The following WWC2 variants were observed in gnomAD, a reference collection of about 807,000 sequenced individuals.
WWC2 encodes the protein protein WWC2.
In WWC2, 101 loss-of-function variants were observed where a neutral mutation model predicts 138.5. The observed-to-expected ratio is 0.73, with a 90% CI of 0.62 to 0.86. WWC2 has a LOEUF of 0.86. WWC2 is among the 40% of genes least tolerant of loss of function. The pLI, the probability that WWC2 is intolerant of heterozygous loss-of-function variation, is 0.00. For missense variants in WWC2, 1,420 were observed against 1,419.4 expected, an observed-to-expected ratio of 1.00 and a Z score of -0.01; for synonymous variants, 558 against 538.4, an observed-to-expected ratio of 1.04 and a Z score of -0.50.
At chr4:183,276,423 C>T (rs1737857228) in intron 16 of WWC2, among the ~76,000 whole-genome samples, 2 of 151,526 alleles carry the variant, frequency 1.3e-5, no homozygotes, top group African/African-American at 4.8e-5. Context: ...TTTAAATTTT[C>T]GTTTTCCCCT....
At chr4:183,106,109 G>T (rs949015775) in intron 1 of WWC2, among the ~76,000 whole-genome samples, 1 of 151,628 alleles carries the variant, frequency 6.6e-6, no homozygotes, top group Admixed American at 6.6e-5. Flanking sequence ...TCAGCCTCCC[G>T]AGTAGCTGGG....
intron 2 of WWC2, among the ~76,000 whole-genome samples, chr4:183,205,012 G>A (rs1473023127): frequency 6.6e-6 from 1 of 152,204 alleles, no homozygotes; most frequent in African/African-American, 2.4e-5. Flanking sequence ...ACCTGTAATA[G>A]TTTTGTCTAT....
chr4:183,262,173 G>T (rs1033104719), intron 11 of WWC2, among the ~76,000 whole-genome samples: 3 of 151,644 alleles, frequency 2.0e-5, no homozygotes, highest in Admixed American at 6.6e-5. Flanking sequence ...TCATTTTTTT[G>T]TTTGTTTGTT....
chr4:183,199,568 G>A lies in WWC2; in HGVS notation c.241+5860G>A, dbSNP rs368454841. 3.9e-5 allele frequency among the ~76,000 whole-genome samples: 6 copies of A among 152,142 alleles called. No individual in the cohort carries two copies. The East Asian group carries it at 5.8e-4, about 15-fold the overall frequency. On this transcript the variant is annotated intron_variant, in intron 2 of 22. Transcript: ENST00000403733. ...CCAATAATTGTCTGTAGAAATTAAC[G>A]AACAAATAATAAATGAATATAGCAG...
chr4:183,192,821 G>T (rs1232539473), intron 1 of WWC2, among the ~76,000 whole-genome samples: 1 of 151,704 alleles, frequency 6.6e-6, no homozygotes, highest in African/African-American at 2.4e-5. Flanking sequence ...CAGTAGCCAA[G>T]GAAAATCTCA....
Position 183,214,104 on chromosome 4 carries a change from A to G in WWC2, c.522+5079A>G, listed in dbSNP as rs184645962. Among the ~76,000 whole-genome samples the G allele has an allele frequency of 3.9e-5, 6 of 152,324 alleles. No individual in the cohort carries two copies. In the East Asian group the frequency reaches 1.2e-3, roughly 29 times the overall value. On this transcript the variant is annotated intron_variant, in intron 4 of 22. Coordinates refer to ENST00000403733, the MANE Select transcript of WWC2 (RefSeq NM_024949.6). ...AATGTATTTGAGAAGTGTATTGAGT[A>G]CCCATTGCATGTGCTTTAATACAAC...
intron 1 of WWC2, among the ~76,000 whole-genome samples, chr4:183,113,419 G>A (rs1732299164): frequency 1.3e-5 from 2 of 151,724 alleles, no homozygotes. Context: ...AGACCATCAA[G>A]ATTTTAAGGT....
chr4:183,099,839 C>G lies in WWC2; in HGVS notation c.131+217C>G, dbSNP rs867450276. 2.6e-4 allele frequency among the ~76,000 whole-genome samples: 40 copies of G among 152,188 alleles called. No individual in the cohort carries two copies. In the South Asian group the frequency reaches 7.5e-3, roughly 28 times the overall value. On this transcript the variant is annotated intron_variant, in intron 1 of 22. Coordinates refer to ENST00000403733, the MANE Select transcript of WWC2 (RefSeq NM_024949.6). ...CGACGCCCCTCCGGGGACCCGGCCC[C>G]GAGGCAAGGCTGGAGTCGCTGCCCC... is the stretch of plus-strand genomic sequence containing the variant.
chr4:183,100,264 C>CG (rs1743132943), intron 1 of WWC2, among the ~76,000 whole-genome samples: 1 of 152,210 alleles, frequency 6.6e-6, no homozygotes, highest in Admixed American at 6.5e-5. Flanking sequence ...ACTCCCAGAT[C>CG]GGGAACAGGC....
chr4:183,156,876 TTC>T (rs1733821230), intron 1 of WWC2, among the ~76,000 whole-genome samples: 1 of 152,152 alleles, frequency 6.6e-6, no homozygotes, highest in Non-Finnish European at 1.5e-5. Context: ...GGCATTGTCA[TTC>T]TCTCTCTCGC....
intron 1 of WWC2, among the ~76,000 whole-genome samples, 192 bp from the exon 2 acceptor site, chr4:183,193,407 G>C (rs967675102): frequency 1.3e-5 from 2 of 152,040 alleles, no homozygotes; most frequent in Non-Finnish European, 2.9e-5. Context: ...CAAATATTAA[G>C]CAGTGAACTT....
At chr4:183,132,174 AAAT>A (rs1732946664) in intron 1 of WWC2, among the ~76,000 whole-genome samples, 1 of 152,136 alleles carries the variant, frequency 6.6e-6, no homozygotes, top group African/African-American at 2.4e-5. Flanking sequence ...TATCATTTAC[AAAT>A]AATGACACTC....
intron 4 of WWC2, among the ~76,000 whole-genome samples, chr4:183,209,525 C>T (rs1560844323): frequency 1.3e-5 from 2 of 152,186 alleles, no homozygotes; most frequent in Non-Finnish European, 2.9e-5. Context: ...GTGTGAGTCA[C>T]TGCGCCTGGC....
chr4:183,278,259 C>G (rs1445762643), intron 16 of WWC2, among the ~76,000 whole-genome samples: 52 of 152,084 alleles, frequency 3.4e-4, no homozygotes, highest in African/African-American at 7.5e-4. Context: ...TCTTGTTTTT[C>G]TCAGGTTTGT....
intron 21 of WWC2, among the ~76,000 whole-genome samples, chr4:183,296,172 G>A (rs761400727): frequency 6.6e-6 from 1 of 152,194 alleles, no homozygotes. Context: ...CTTTTAAAAT[G>A]TCACCACAAC....
intron 1 of WWC2, among the ~76,000 whole-genome samples, chr4:183,138,042 T>A (rs796066849): frequency 1.2e-4 from 19 of 152,322 alleles, no homozygotes; most frequent in African/African-American, 4.1e-4. Context: ...ATATTTACTT[T>A]TTCTAGGTGC....
rs1734234815 is a variant in WWC2 at position 183,170,088 on chromosome 4, G to A, written c.132-23511G>A. 1.3e-5 allele frequency among the ~76,000 whole-genome samples: 2 copies of A among 152,146 alleles called. 1 individual carries two copies. Among genetic ancestry groups the A allele is most frequent in the Non-Finnish European group, 2.9e-5 (2 of 68,032 alleles). ...GTTTGTTGGAAAAAGTGAACAGAAAGCTATAGCAGAAATAATGCTGAGAGG... is the reference window on the plus strand; with the variant it reads ...GTTTGTTGGAAAAAGTGAACAGAAAACTATAGCAGAAATAATGCTGAGAGG... On this transcript the variant is annotated intron_variant, in intron 1 of 22. Transcript: ENST00000403733.
At chr4:183,137,914 G>T (rs1027972395) in intron 1 of WWC2, among the ~76,000 whole-genome samples, 1 of 152,090 alleles carries the variant, frequency 6.6e-6, no homozygotes, top group African/African-American at 2.4e-5. Context: ...TGATACCTTT[G>T]TTTCCTTGTA....
intron 1 of WWC2, among the ~76,000 whole-genome samples, chr4:183,165,057 T>A (rs1734094255): frequency 6.6e-6 from 1 of 152,218 alleles, no homozygotes; most frequent in South Asian, 2.1e-4. Context: ...ACACAAACAT[T>A]CCTGGGTCTG....
Sources: allele counts gnomAD v4.1 joint callset (sites outside exome capture counted in the v4.1 genomes callset), GRCh38; gene constraint gnomAD v4.1.1; transcripts MANE v1.5; gene names NCBI Gene and HGNC (gene_info 2026-07-23, HGNC 2026-07-21).